AK7: variants seen among roughly 807,000 people sequenced by gnomAD.
The protein encoded by AK7 is adenylate kinase 7.
A neutral mutation model predicts 96.6 loss-of-function variants in AK7; 78 were observed. The ratio of observed to expected loss-of-function variants is 0.81; its 90% CI spans 0.67 to 0.97. AK7 has a LOEUF of 0.97. Ranked by LOEUF, AK7 falls within the 50% of genes least tolerant of loss-of-function variation. The pLI, the probability that AK7 is intolerant of heterozygous loss-of-function variation, is 0.00. For missense variants in AK7, 855 were observed against 887.9 expected (o/e 0.96, Z 0.47); for synonymous variants, 302 against 317.2 (o/e 0.95, Z 0.51).
In AK7 at chr14:96,398,185, G is replaced by T. The variant is rs1258128035; in HGVS notation, c.216G>T (p.Lys72Asn). The T allele has an allele frequency of 1.2e-6, 2 of 1,614,138 alleles. No homozygotes were observed. The highest frequency in any genetic ancestry group is 1.7e-6 in the Non-Finnish European group (2 of 1,180,034). The change falls in exon 2 of 18, where the codon AAG becomes AAT. Residue 72 changes from lysine to asparagine, a missense_variant. Physicochemically the swap from Lys to Asn is moderately conservative, Grantham distance 94. Transcript: ENST00000267584. Reference protein sequence around the residue: ...AMLEASSTKVKEGTFQIVGTL... With the variant: ...AMLEASSTKVNEGTFQIVGTL... ...TGGAAGCTTCCTCAACCAAAGTGAAGGAAGGCACATTCCAGATTGTGGGCA... is the reference window on the plus strand; with the variant it reads ...TGGAAGCTTCCTCAACCAAAGTGAATGAAGGCACATTCCAGATTGTGGGCA...
At position 96,488,578 on chromosome 14, in the gene AK7, G is replaced by A. The variant is rs1486735115; in HGVS notation, c.*235G>A. The stretch of plus-strand genomic sequence containing the variant: ...GTGCATAGCTCATGAGACAAATACT[G>A]ATTTAATATTTTATTCTTTAGTCAG... On this transcript the variant is annotated 3_prime_UTR_variant, in exon 18 of 18. Transcript: ENST00000267584. 2 of 411,024 alleles carry A rather than the reference G, an allele frequency of 4.9e-6. No individual in the cohort carries two copies. Among genetic ancestry groups the A allele is most frequent in the Non-Finnish European group, 8.8e-6 (2 of 227,790 alleles). 25.5% of individuals were successfully genotyped at this position (411,024 alleles called of 1,614,324 possible). A position where few individuals can be genotyped will look rare whatever the true frequency, so the allele number is the denominator to read the frequency against.
intron 12 of AK7, among the ~76,000 whole-genome samples, chr14:96,466,465 C>T (rs891875704): frequency 3.3e-5 from 5 of 152,046 alleles, no homozygotes; most frequent in Admixed American, 3.3e-4. Flanking sequence ...GTCTCGATCT[C>T]CTGACCTCAT....
intron 1 of AK7, among the ~76,000 whole-genome samples, chr14:96,394,515 G>T (rs900470349): frequency 6.6e-6 from 1 of 152,200 alleles, no homozygotes; most frequent in African/African-American, 2.4e-5. Context: ...AAGCCGGGAT[G>T]CACTCATGGT....
At chr14:96,407,644 C>T (rs1024810057) in intron 3 of AK7, among the ~76,000 whole-genome samples, 5 of 143,490 alleles carry the variant, frequency 3.5e-5, no homozygotes, top group Admixed American at 7.3e-5. Flanking sequence ...TGCAGTGGCG[C>T]AATCTCGGCT....
chr14:96,483,198 G>T lies in AK7; in HGVS notation c.1953G>T (p.Lys651Asn). ...AGGAGGCCGTGGAGATGGCAGAGAA[G>T]ATAGCTCGCTGGGAGGAGTGGGTGA... ...EHQEAVEMAE[K>N]IARWEEWNKR... Residue 651 changes from lysine (K) to asparagine (N), a missense_variant, in exon 16 of 18, where the codon AAG becomes AAT. Physicochemically the swap from Lys to Asn is moderately conservative, Grantham distance 94. Transcript: ENST00000267584. The T allele has an allele frequency of 1.2e-6, 2 of 1,607,546 alleles. No homozygotes were observed. Among genetic ancestry groups the T allele is most frequent in the Non-Finnish European group, 8.5e-7 (1 of 1,177,212 alleles).
chr14:96,458,912 CAAAAAAAAAAA>C (rs780061684), intron 12 of AK7, among the ~76,000 whole-genome samples: 1,382 of 23,528 alleles, frequency 0.059, 25 homozygotes, highest in Non-Finnish European at 0.12. Context: ...CCTGTCTCAA[CAAAAAAAAAAA>C]AAAAAAAAAA....
chr14:96,488,924 C>T lies in AK7; in HGVS notation c.*581C>T, dbSNP rs894809747. On this transcript the variant is annotated 3_prime_UTR_variant, in exon 18 of 18. Coordinates refer to ENST00000267584, the MANE Select transcript of AK7 (RefSeq NM_152327.5). ...CAATGAATCGGAGAGAACTGTAAAC[C>T]TTTAGGCGGAGAAATCTGCATAACA... The T allele has an allele frequency of 3.3e-5, 5 of 150,500 alleles. No homozygotes were observed. The highest frequency in any genetic ancestry group is 6.7e-5 in the Admixed American group (1 of 15,036). The allele number at this position is 150,500 out of a possible 1,614,324, so 9.3% of individuals were successfully genotyped here. A position where few individuals can be genotyped will look rare whatever the true frequency, so the allele number is the denominator to read the frequency against.
intron 4 of AK7, among the ~76,000 whole-genome samples, chr14:96,420,300 C>T (rs1891603941): frequency 6.6e-6 from 1 of 151,498 alleles, no homozygotes; most frequent in South Asian, 2.1e-4. Context: ...AGTTCCATAC[C>T]AGCCTGGCCA....
intron 2 of AK7, chr14:96,398,679 C>T (rs1034160581): frequency 6.2e-5 from 12 of 193,902 alleles, no homozygotes; most frequent in African/African-American, 1.6e-4. Context: ...GCCAGGGGTT[C>T]GAGACCAGCC....
At position 96,404,950 on chromosome 14, in the gene AK7, A is replaced by G. The variant is rs568774586; in HGVS notation, c.403+85A>G. The G allele has an allele frequency of 4.5e-6, 4 of 886,206 alleles. No individual in the cohort carries two copies. The East Asian group carries it at 7.6e-5, about 17-fold the overall frequency. 54.9% of individuals were successfully genotyped at this position (886,206 alleles called of 1,614,324 possible). A position where few individuals can be genotyped will look rare whatever the true frequency, so the allele number is the denominator to read the frequency against. ...TAATAGTCATCTAGGAACACTAGAC[A>G]AAGTAGGGCTATAGAAAAACTGGTC... is the stretch of plus-strand genomic sequence containing the variant. On this transcript the variant is annotated intron_variant, in intron 3 of 17. Transcript: ENST00000267584.
chr14:96,399,732 C>T lies in AK7; in HGVS notation c.294+1469C>T, dbSNP rs1890295255. On this transcript the variant is annotated intron_variant, in intron 2 of 17. Coordinates refer to ENST00000267584, the MANE Select transcript of AK7 (RefSeq NM_152327.5). This position sits in a 1 kb window ranked among gnomAD's most constrained non-coding sequence, Gnocchi z 4.1. ...AAACTCGCCTTCCCTTCTTGTGCCT[C>T]GGCTCTGCACTGACTAAGCGCCCAA... Among the ~76,000 whole-genome samples, 1 of 152,188 alleles carries T rather than the reference C, an allele frequency of 6.6e-6. No individual in the cohort carries two copies. Among genetic ancestry groups the T allele is most frequent in the South Asian group, 2.1e-4 (1 of 4,834 alleles).
chr14:96,404,689 T>C, intron 2 of AK7, 68 bp from the exon 3 acceptor site: 1 of 1,074,958 alleles, frequency 9.3e-7, no homozygotes, highest in Non-Finnish European at 1.4e-6. Flanking sequence ...AAAATTATCA[T>C]TTCATTGAAA....
Position 96,442,810 on chromosome 14 carries a change from T to G in AK7, c.771T>G (p.Asp257Glu), listed in dbSNP as rs1893029978. The G allele has an allele frequency of 6.2e-7, 1 of 1,613,688 alleles. No individual in the cohort carries two copies. Among genetic ancestry groups the G allele is most frequent in the Non-Finnish European group, 8.5e-7 (1 of 1,179,658 alleles). ...TNVIPTIHVL[D>E]LAGVIQNVID... The stretch of plus-strand genomic sequence containing the variant: ...TAATTCCAACAATCCATGTTCTTGA[T>G]CTAGCAGGGTAAGCATTCGCCCAGA... The change falls in exon 7 of 18, where the codon GAT becomes GAG. Residue 257 changes from aspartate to glutamate, a missense_variant. By Grantham distance (45) the Asp-to-Glu change is conservative. Transcript: ENST00000267584.
At chr14:96,469,332 C>T (rs112902477) in intron 12 of AK7, among the ~76,000 whole-genome samples, 6,181 of 152,210 alleles carry the variant, frequency 0.041, 169 homozygotes, top group South Asian at 0.066. Flanking sequence ...ACCAGCCTGA[C>T]CAACATGGCA....
chr14:96,477,752 T>A (rs916368179), intron 14 of AK7, among the ~76,000 whole-genome samples: 2 of 152,250 alleles, frequency 1.3e-5, no homozygotes, highest in Non-Finnish European at 1.5e-5. Flanking sequence ...TCATAGCCAA[T>A]GGCATTGATG....
chr14:96,474,185 A>T (rs1433542436), intron 14 of AK7, among the ~76,000 whole-genome samples: 1 of 152,198 alleles, frequency 6.6e-6, no homozygotes, highest in Non-Finnish European at 1.5e-5. Context: ...GCTCACTGGT[A>T]TCAAGTCCCC....
chr14:96,478,864 G>A (rs771149927), intron 15 of AK7, among the ~76,000 whole-genome samples: 131 of 151,756 alleles, frequency 8.6e-4, no homozygotes, highest in Middle Eastern at 6.8e-3. Context: ...TGTTATTATC[G>A]TATGAGAATT....
At chr14:96,393,191 A>G (rs1055839520) in intron 1 of AK7, among the ~76,000 whole-genome samples, 4 of 152,142 alleles carry the variant, frequency 2.6e-5, no homozygotes, top group African/African-American at 4.8e-5. Flanking sequence ...GAAAGCCATG[A>G]TTTTATCATT....
At chr14:96,394,615 G>A (rs1186139748) in intron 1 of AK7, among the ~76,000 whole-genome samples, 1 of 152,164 alleles carries the variant, frequency 6.6e-6, no homozygotes, top group Non-Finnish European at 1.5e-5. Context: ...CAGGAGTTTG[G>A]TTTATCCTCT....
Sources: allele counts gnomAD v4.1 joint callset (sites outside exome capture counted in the v4.1 genomes callset), GRCh38; gene constraint gnomAD v4.1.1; non-coding constraint Gnocchi (gnomAD v3.1); transcripts MANE v1.5; gene names NCBI Gene and HGNC (gene_info 2026-07-23, HGNC 2026-07-21).